Variants in TTC7B observed in about 807,000 individuals in gnomAD.
The protein encoded by TTC7B is tetratricopeptide repeat protein 7B.
TTC7B carries 28 observed loss-of-function variants against 106.8 expected under a neutral mutation model. That is an observed-to-expected ratio of 0.26 (90% CI 0.19 to 0.36). The LOEUF is 0.36. Ranked by LOEUF, TTC7B falls within the 10% of genes least tolerant of loss-of-function variation. TTC7B has a pLI of 1.00. For synonymous variants in TTC7B, 405 were observed against 430.6 expected (o/e 0.94, Z 0.74); for missense variants, 862 against 1,076.4 (o/e 0.80, Z 2.79).
chr14:90,577,973 T>C lies in TTC7B; in HGVS notation c.2310+133A>G, dbSNP rs1891324767. 8.8e-7 allele frequency: 1 copy of C among 1,131,236 alleles called. No homozygotes were observed. The highest frequency in any genetic ancestry group is 1.5e-5 in the South Asian group (1 of 66,980). The allele number at this position is 1,131,236 out of a possible 1,614,324, so 70.1% of individuals were successfully genotyped here. ...AACGGTGCCCTCTGGCTTCAGGCCA[T>C]GTGACAGCCTGGCAAGCTAACTGCA... On this transcript the variant is annotated intron_variant, in intron 19 of 19. Coordinates refer to ENST00000328459, the MANE Select transcript of TTC7B (RefSeq NM_001010854.2). The surrounding 1 kb of genome is among the most constrained non-coding windows in gnomAD (Gnocchi z 5.0).
chr14:90,757,282 C>T lies in TTC7B; in HGVS notation c.446-12360G>A, dbSNP rs1299235209. Reference sequence around the variant, plus strand: ...GCACCCGAAGTGATCTCAATGTTTCCAAAAATGAAAAGCAGTCCTGGCGCG... The same window carrying T: ...GCACCCGAAGTGATCTCAATGTTTCTAAAAATGAAAAGCAGTCCTGGCGCG... On this transcript the variant is annotated intron_variant, in intron 3 of 19. Coordinates refer to ENST00000328459, the MANE Select transcript of TTC7B (RefSeq NM_001010854.2). The surrounding 1 kb of genome is among the most constrained non-coding windows in gnomAD (Gnocchi z 4.1). Among the ~76,000 whole-genome samples, 1 of 151,968 alleles carries T rather than the reference C, an allele frequency of 6.6e-6. No individual in the cohort carries two copies. The highest frequency in any genetic ancestry group is 1.5e-5 in the Non-Finnish European group (1 of 67,978).
At chr14:90,666,884 C>G (rs1443117796) in intron 9 of TTC7B, among the ~76,000 whole-genome samples, 1 of 152,190 alleles carries the variant, frequency 6.6e-6, no homozygotes, top group Non-Finnish European at 1.5e-5. Context: ...CTGGCATGCT[C>G]TCCTCTCAAC....
rs1889816452 is a variant in TTC7B, at chr14:90,742,692, C to T, written c.576+2100G>A. 6.6e-6 allele frequency among the ~76,000 whole-genome samples: 1 copy of T among 152,206 alleles called. No homozygotes were observed. Among genetic ancestry groups the T allele is most frequent in the East Asian group, 1.9e-4 (1 of 5,200 alleles). ...CTCAAAATCCAACATCTTATGATCA[C>T]CATTTCCCCAAAATCAAAGAAAAGG... On this transcript the variant is annotated intron_variant, in intron 4 of 19. Coordinates refer to ENST00000328459, the MANE Select transcript of TTC7B (RefSeq NM_001010854.2). The surrounding 1 kb of genome is among the most constrained non-coding windows in gnomAD (Gnocchi z 4.1).
At chr14:90,745,413 A>G (rs1463302224) in intron 3 of TTC7B, among the ~76,000 whole-genome samples, 1 of 152,138 alleles carries the variant, frequency 6.6e-6, no homozygotes, top group Non-Finnish European at 1.5e-5. Context: ...GTTTGAGATT[A>G]TAAGTTTTTC....
intron 4 of TTC7B, among the ~76,000 whole-genome samples, chr14:90,730,843 G>C (rs1432788441): frequency 6.6e-6 from 1 of 152,206 alleles, no homozygotes; most frequent in African/African-American, 2.4e-5. Flanking sequence ...ACAGATAATG[G>C]GGTTTTTAAA....
At chr14:90,736,173 A>C (rs889763224) in intron 4 of TTC7B, among the ~76,000 whole-genome samples, 1 of 150,648 alleles carries the variant, frequency 6.6e-6, no homozygotes, top group Non-Finnish European at 1.5e-5. Flanking sequence ...TATATACCAC[A>C]ATGAACCCCA....
intron 15 of TTC7B, among the ~76,000 whole-genome samples, chr14:90,637,798 C>A (rs1885006705): frequency 6.6e-6 from 1 of 152,194 alleles, no homozygotes; most frequent in African/African-American, 2.4e-5. Flanking sequence ...TTGATAAAAT[C>A]TGCTATCGTT....
At chr14:90,785,146 G>A (rs995413589) in intron 2 of TTC7B, among the ~76,000 whole-genome samples, 4 of 152,104 alleles carry the variant, frequency 2.6e-5, no homozygotes, top group Non-Finnish European at 5.9e-5. Flanking sequence ...GCAGAGAGGC[G>A]AGTAACCTCC....
At chr14:90,698,625 G>C (rs1341085846) in intron 5 of TTC7B, 1 of 152,416 alleles carries the variant, frequency 6.6e-6, no homozygotes, top group Non-Finnish European at 1.5e-5. Flanking sequence ...ACTCTGGCAA[G>C]CTGTCAGAAC....
chr14:90,714,449 C>A (rs950992619), intron 5 of TTC7B, among the ~76,000 whole-genome samples: 1 of 137,262 alleles, frequency 7.3e-6, no homozygotes, highest in East Asian at 1.9e-4. Flanking sequence ...GATTGCACAG[C>A]TGTATAAATT....
chr14:90,660,417 A>AAAAAAAAGAAAAG (rs1555386791), intron 9 of TTC7B, among the ~76,000 whole-genome samples: 1 of 119,430 alleles, frequency 8.4e-6, no homozygotes, highest in African/African-American at 3.7e-5. Flanking sequence ...AAAAAAAAAA[A>AAAAAAAAGAAAAG]AAAAGAAAAG....
At chr14:90,628,378 C>T (rs2139861437) in intron 15 of TTC7B, among the ~76,000 whole-genome samples, 1 of 152,320 alleles carries the variant, frequency 6.6e-6, no homozygotes, top group Non-Finnish European at 1.5e-5. Context: ...TCTGGAGGAT[C>T]TCTCGGTCTT....
At chr14:90,598,835 A>G (rs1189971275) in intron 17 of TTC7B, among the ~76,000 whole-genome samples, 2 of 152,252 alleles carry the variant, frequency 1.3e-5, no homozygotes, top group Non-Finnish European at 2.9e-5. Flanking sequence ...AAGGGATCCC[A>G]GCACCAATAA....
intron 17 of TTC7B, chr14:90,605,806 T>C (rs2139835909): frequency 4.2e-6 from 5 of 1,194,280 alleles, no homozygotes; most frequent in Non-Finnish European, 5.3e-6. Context: ...AAAAAAACTT[T>C]AGAAACACAA....
intron 5 of TTC7B, among the ~76,000 whole-genome samples, chr14:90,704,828 C>T (rs545188295): frequency 9.8e-5 from 15 of 152,340 alleles, no homozygotes; most frequent in African/African-American, 3.1e-4. Context: ...AGTCAACCCT[C>T]TGAAGTCAGT....
rs1347236614 is a variant in TTC7B, at chr14:90,540,792, T to C, written c.*576A>G. 6.5e-6 allele frequency: 1 copy of C among 153,904 alleles called. No homozygotes were observed. The highest frequency in any genetic ancestry group is 1.5e-5 in the Non-Finnish European group (1 of 68,126). 9.5% of individuals were successfully genotyped at this position (153,904 alleles called of 1,614,324 possible). A position where few individuals can be genotyped will look rare whatever the true frequency, so the allele number is the denominator to read the frequency against. On this transcript the variant is annotated 3_prime_UTR_variant, in exon 20 of 20. Coordinates refer to ENST00000328459, the MANE Select transcript of TTC7B (RefSeq NM_001010854.2). ...GTAACAGGCATATATTGGTAAAATA[T>C]AAATATTCTCGGACTCAGGCTTTGT...
chr14:90,548,506 T>C (rs1185449378), intron 19 of TTC7B, among the ~76,000 whole-genome samples: 1 of 152,254 alleles, frequency 6.6e-6, no homozygotes, highest in Non-Finnish European at 1.5e-5. Context: ...TATGTTTTGC[T>C]GACTGCAAAG....
At chr14:90,675,872 C>CATGGTAATTTG (rs1886815151) in intron 9 of TTC7B, 1 of 152,064 alleles carries the variant, frequency 6.6e-6, no homozygotes, top group Non-Finnish European at 1.5e-5. Context: ...TTAGCCTTAC[C>CATGGTAATTTG]ATGGTAGAAT....
At chr14:90,727,143 C>T (rs1350282995) in intron 5 of TTC7B, among the ~76,000 whole-genome samples, 2 of 152,104 alleles carry the variant, frequency 1.3e-5, no homozygotes, top group Admixed American at 6.5e-5. Context: ...CTTTGTGACG[C>T]GCTGTAGATG....
Sources: gnomAD v4.1 joint callset for allele counts (sites outside exome capture counted in the v4.1 genomes callset) on GRCh38, gnomAD v4.1.1 for gene constraint, Gnocchi (gnomAD v3.1) non-coding constraint, MANE v1.5 for transcripts, NCBI Gene and HGNC (gene_info 2026-07-23, HGNC 2026-07-21) for gene names.